Variants in ATE1 observed in about 807,000 individuals in gnomAD.
ATE1 encodes the protein arginyl-tRNA--protein transferase 1.
In ATE1, 36 loss-of-function variants were observed where a neutral mutation model predicts 70.5. The observed-to-expected ratio is 0.51, with a 90% CI of 0.39 to 0.67. The LOEUF (loss-of-function observed/expected upper bound fraction) is 0.67. Among genes scored for constraint, ATE1 ranks in the 30% least tolerant of loss-of-function variants. ATE1 has a pLI of 0.00. For synonymous variants in ATE1, 232 were observed against 219.3 expected (o/e 1.06, Z -0.51); for missense variants, 593 against 629.5 (o/e 0.94, Z 0.62).
chr10:121,858,660 A>ATATATATATAATATATAGTT (rs1554913052), intron 8 of ATE1, among the ~76,000 whole-genome samples: 2 of 139,216 alleles, frequency 1.4e-5, no homozygotes, highest in African/African-American at 5.3e-5. Context: ...TATACATATA[A>ATATATATATAATATATAGTT]TATATATATA....
At chr10:121,911,330 G>A (rs1485597076) in intron 4 of ATE1, among the ~76,000 whole-genome samples, 179 bp from the exon 5 acceptor site, 1 of 151,910 alleles carries the variant, frequency 6.6e-6, no homozygotes, top group Non-Finnish European at 1.5e-5. Context: ...GGGCATGGTG[G>A]TTCATGCCTG....
At chr10:121,768,044 T>G (rs1590244094) in intron 11 of ATE1, among the ~76,000 whole-genome samples, 1 of 152,204 alleles carries the variant, frequency 6.6e-6, no homozygotes, top group East Asian at 1.9e-4. Flanking sequence ...TAACATATGC[T>G]ACAACATGGA....
At chr10:121,824,484 T>C (rs1947927670) in intron 10 of ATE1, among the ~76,000 whole-genome samples, 1 of 152,240 alleles carries the variant, frequency 6.6e-6, no homozygotes, top group Admixed American at 6.5e-5. Flanking sequence ...CTTACTATCA[T>C]AATAGTAAGG....
At chr10:121,868,188 TA>T (rs534703433) in intron 8 of ATE1, among the ~76,000 whole-genome samples, 1 of 152,232 alleles carries the variant, frequency 6.6e-6, no homozygotes, top group Non-Finnish European at 1.5e-5. Flanking sequence ...CTTTTATTAC[TA>T]ATAGGAGTAA....
At chr10:121,896,811 A>C (rs1440597647) in intron 7 of ATE1, among the ~76,000 whole-genome samples, 1 of 135,654 alleles carries the variant, frequency 7.4e-6, no homozygotes, top group African/African-American at 2.8e-5. Flanking sequence ...GAGACAGAGC[A>C]AGACTTTGTC....
chr10:121,774,185 G>A (rs924703578), intron 11 of ATE1, among the ~76,000 whole-genome samples: 5 of 152,146 alleles, frequency 3.3e-5, no homozygotes, highest in Non-Finnish European at 2.9e-5. Flanking sequence ...TGAACAGGAT[G>A]TTTTTTAAAA....
rs75073771 is a variant in ATE1, at chr10:121,823,479, C to T, written c.1257+13239G>A. Reference sequence around the variant, plus strand: ...TGGAAAAGCAGTTCGTACTTCTACACGCAGGGGCAAGTGAAAAACATCTCA... The same window carrying T: ...TGGAAAAGCAGTTCGTACTTCTACATGCAGGGGCAAGTGAAAAACATCTCA... On this transcript the variant is annotated intron_variant, in intron 10 of 11. Transcript: ENST00000224652. Among the ~76,000 whole-genome samples, 837 of 152,280 alleles carry T rather than the reference C, an allele frequency of 5.5e-3. 5 individuals carry two copies. Among genetic ancestry groups the T allele is most frequent in the Non-Finnish European group, 8.5e-3 (577 of 68,026 alleles).
chr10:121,847,578 T>C (rs1050316291), intron 8 of ATE1, among the ~76,000 whole-genome samples: 3 of 150,866 alleles, frequency 2.0e-5, no homozygotes, highest in African/African-American at 7.3e-5. Context: ...GTCAACACAG[T>C]GAAACCCTGT....
intron 8 of ATE1, among the ~76,000 whole-genome samples, chr10:121,863,254 T>G (rs1383445141): frequency 1.5e-5 from 2 of 136,084 alleles, no homozygotes; most frequent in African/African-American, 6.4e-5. Flanking sequence ...GAAGTCTACT[T>G]TTTTTTTTTT....
chr10:121,868,630 T>G (rs1949743617), intron 8 of ATE1, among the ~76,000 whole-genome samples: 1 of 152,186 alleles, frequency 6.6e-6, no homozygotes, highest in Admixed American at 6.5e-5. Context: ...CCTGTAAGTA[T>G]TATTATCTCC....
chr10:121,790,747 T>G (rs191116919), intron 10 of ATE1, among the ~76,000 whole-genome samples: 270 of 152,312 alleles, frequency 1.8e-3, no homozygotes, highest in Admixed American at 4.8e-3. Context: ...ATTTGTAGAC[T>G]CAGTTGATAA....
At chr10:121,923,779 T>A (rs1383396768) in intron 2 of ATE1, among the ~76,000 whole-genome samples, 1 of 152,192 alleles carries the variant, frequency 6.6e-6, no homozygotes, top group Non-Finnish European at 1.5e-5. Flanking sequence ...AAGACATTTT[T>A]GAGACAATCT....
chr10:121,871,249 A>T (rs1313439372), intron 7 of ATE1, among the ~76,000 whole-genome samples: 1 of 152,136 alleles, frequency 6.6e-6, no homozygotes, highest in Non-Finnish European at 1.5e-5. Flanking sequence ...GAGGGAGGAC[A>T]GGAGTTCGAG....
intron 8 of ATE1, among the ~76,000 whole-genome samples, chr10:121,854,805 A>G (rs1324902506): frequency 6.6e-6 from 1 of 152,218 alleles, no homozygotes; most frequent in Non-Finnish European, 1.5e-5. Context: ...CTCGGGCTGC[A>G]GCTGCACAGG....
chr10:121,808,489 T>C, intron 10 of ATE1, among the ~76,000 whole-genome samples: 1 of 152,180 alleles, frequency 6.6e-6, no homozygotes, highest in East Asian at 1.9e-4. Context: ...GTGATTTAAC[T>C]CTTCAGTGGC....
At chr10:121,749,926 G>T (rs1482398531) in intron 11 of ATE1, among the ~76,000 whole-genome samples, 1 of 152,118 alleles carries the variant, frequency 6.6e-6, no homozygotes, top group Non-Finnish European at 1.5e-5. Flanking sequence ...AAAAACTACT[G>T]ATTATCATTA....
chr10:121,839,609 C>T (rs1948554385), intron 9 of ATE1, among the ~76,000 whole-genome samples: 1 of 151,848 alleles, frequency 6.6e-6, no homozygotes, highest in Non-Finnish European at 1.5e-5. Flanking sequence ...GTGAGAGCAC[C>T]AACAGCCATA....
At chr10:121,869,482 A>C (rs1949776855) in intron 8 of ATE1, among the ~76,000 whole-genome samples, 1 of 152,234 alleles carries the variant, frequency 6.6e-6, no homozygotes, top group Non-Finnish European at 1.5e-5. Flanking sequence ...AACCATGATG[A>C]GGATTAAATG....
At chr10:121,913,646 A>G in intron 4 of ATE1, 144 bp downstream of exon 4, 1 of 481,292 alleles carries the variant, frequency 2.1e-6, no homozygotes, top group Non-Finnish European at 3.8e-6. Context: ...GGTAACAGTA[A>G]TAGCAGTGCT....
Sources: gnomAD v4.1 joint callset for allele counts (sites outside exome capture counted in the v4.1 genomes callset) on GRCh38, gnomAD v4.1.1 for gene constraint, MANE v1.5 for transcripts, NCBI Gene and HGNC (gene_info 2026-07-23, HGNC 2026-07-21) for gene names.